PLA2G4A: variants seen among roughly 807,000 people sequenced by gnomAD.
PLA2G4A encodes cytosolic phospholipase A2.
In PLA2G4A, 40 loss-of-function variants were observed where a neutral mutation model predicts 81.9. That is an observed-to-expected ratio of 0.49 (90% CI 0.38 to 0.64). PLA2G4A has a LOEUF of 0.64. PLA2G4A is among the 30% of genes least tolerant of loss of function. PLA2G4A has a pLI of 0.00. For synonymous variants in PLA2G4A, 302 were observed against 296.9 expected (o/e 1.02, Z -0.18); for missense variants, 715 against 905.1 (o/e 0.79, Z 2.69).
chr1:186,886,247 T>C (rs1366100854), intron 3 of PLA2G4A, among the ~76,000 whole-genome samples: 2 of 152,184 alleles, frequency 1.3e-5, no homozygotes, highest in African/African-American at 4.8e-5. Context: ...ATTAATGGAC[T>C]AATAGACAAA....
At chr1:186,983,604 A>C (rs1219478749) in intron 17 of PLA2G4A, among the ~76,000 whole-genome samples, 1 of 152,224 alleles carries the variant, frequency 6.6e-6, no homozygotes, top group Non-Finnish European at 1.5e-5. Context: ...TGGGTTTCTC[A>C]TAGCATCAGG....
At chr1:186,928,102 T>A (rs1379307608) in intron 7 of PLA2G4A, among the ~76,000 whole-genome samples, 1 of 151,982 alleles carries the variant, frequency 6.6e-6, no homozygotes, top group Non-Finnish European at 1.5e-5. Context: ...GAGGAAGTGG[T>A]GGGATATAAA....
At chr1:186,958,960 A>G (rs1304766804) in intron 14 of PLA2G4A, among the ~76,000 whole-genome samples, 1 of 152,172 alleles carries the variant, frequency 6.6e-6, no homozygotes, top group Admixed American at 6.5e-5. Flanking sequence ...CTAAATAATT[A>G]TTTGTTGATT....
intron 15 of PLA2G4A, among the ~76,000 whole-genome samples, chr1:186,966,709 A>G (rs1253180637): frequency 6.6e-6 from 1 of 152,178 alleles, no homozygotes; most frequent in East Asian, 1.9e-4. Context: ...GGAATACTCA[A>G]AACATTCTTT....
intron 9 of PLA2G4A, 57 bp downstream of exon 9, chr1:186,939,287 A>G (rs1314794602): frequency 7.0e-6 from 5 of 709,736 alleles, no homozygotes; most frequent in Non-Finnish European, 1.2e-5. Context: ...ACATATTATA[A>G]TATTATATTT....
intron 7 of PLA2G4A, among the ~76,000 whole-genome samples, chr1:186,924,604 A>G (rs7522714): frequency 0.96 from 145,818 of 152,018 alleles, 69,974 homozygotes; most frequent in East Asian, 1. Context: ...ACAGGGTTTC[A>G]CTTTGTCATC....
intron 2 of PLA2G4A, among the ~76,000 whole-genome samples, chr1:186,856,735 A>G (rs1281242555): frequency 1.3e-5 from 2 of 152,038 alleles, no homozygotes; most frequent in African/African-American, 2.4e-5. Context: ...TCTGGAGTAC[A>G]TAACAGGAAG....
At chr1:186,942,935 T>C (rs376421063) in intron 10 of PLA2G4A, among the ~76,000 whole-genome samples, 32 of 152,278 alleles carry the variant, frequency 2.1e-4, no homozygotes, top group African/African-American at 7.0e-4. Context: ...ACATTAATTA[T>C]ATGAATCTTG....
At chr1:186,921,324 G>A (rs1571403380) in intron 7 of PLA2G4A, among the ~76,000 whole-genome samples, 1 of 152,304 alleles carries the variant, frequency 6.6e-6, no homozygotes, top group South Asian at 2.1e-4. Flanking sequence ...TGAGCAGCTA[G>A]TGGCAATCAG....
chr1:186,888,772 C>T (rs1654027282), intron 3 of PLA2G4A, among the ~76,000 whole-genome samples: 1 of 152,010 alleles, frequency 6.6e-6, no homozygotes, highest in South Asian at 2.1e-4. Flanking sequence ...TGCATGCCTC[C>T]CCTTCCCACA....
At chr1:186,982,302 T>C (rs1657748304) in intron 17 of PLA2G4A, among the ~76,000 whole-genome samples, 1 of 152,258 alleles carries the variant, frequency 6.6e-6, no homozygotes, top group Non-Finnish European at 1.5e-5. Flanking sequence ...ATATCATCTT[T>C]AAATCTCTTA....
chr1:186,934,549 T>A (rs1655873751), intron 8 of PLA2G4A, among the ~76,000 whole-genome samples: 1 of 150,794 alleles, frequency 6.6e-6, no homozygotes, highest in Non-Finnish European at 1.5e-5. Flanking sequence ...ATTTTAAATG[T>A]GCACACACAC....
Position 186,906,966 on chromosome 1 carries a change from T to A in PLA2G4A, c.380T>A (p.Val127Asp), listed in dbSNP as rs778915671. The change falls in exon 6 of 18, where the codon GTC (valine) becomes GAC (aspartate). Residue 127 changes from valine (V) to aspartate (D), a missense_variant and splice_region_variant. By Grantham distance (152) the Val-to-Asp change is radical. Transcript: ENST00000367466. ...KKEVPFIFNQVTEMVLEMSLE... is the reference protein window; with the variant it reads ...KKEVPFIFNQDTEMVLEMSLE... ...TCTGATTAACATGTCTTTTTTTAGG[T>A]CACTGAAATGGTTCTAGAAATGTCT... 1 of 1,489,626 alleles carries A rather than the reference T, an allele frequency of 6.7e-7. No homozygotes were observed. The highest frequency in any genetic ancestry group is 9.4e-7 in the Non-Finnish European group (1 of 1,067,566). 92.3% of individuals were successfully genotyped at this position (1,489,626 alleles called of 1,614,324 possible).
At chr1:186,867,172 TG>T (rs1190816414) in intron 2 of PLA2G4A, among the ~76,000 whole-genome samples, 3 of 152,186 alleles carry the variant, frequency 2.0e-5, no homozygotes, top group Non-Finnish European at 4.4e-5. Flanking sequence ...CCTTCAAATT[TG>T]TGTTTACTAT....
In PLA2G4A at chr1:186,932,811, G is replaced by C. The variant is rs759640467; in HGVS notation, c.607G>C (p.Val203Leu). ...LGSGGGFRAM[V>L]GFSGVMKALY... ...TTCAGGTGGGGGTTTCCGAGCCATG[G>C]TGGGATTCTCTGGTGTGATGAAGGC... The change falls in exon 8 of 18, where the codon GTG (valine) becomes CTG (leucine). Residue 203 changes from valine to leucine, a missense_variant. By Grantham distance (32) the Val-to-Leu change is conservative. Transcript: ENST00000367466. 1 of 1,613,450 alleles carries C rather than the reference G, an allele frequency of 6.2e-7. No individual in the cohort carries two copies. The highest frequency in any genetic ancestry group is 8.5e-7 in the Non-Finnish European group (1 of 1,179,414).
chr1:186,929,638 A>G (rs1016236752), intron 7 of PLA2G4A, among the ~76,000 whole-genome samples: 1 of 152,182 alleles, frequency 6.6e-6, no homozygotes, highest in Non-Finnish European at 1.5e-5. Context: ...GTTTGGAGAG[A>G]CAAAGTAGAG....
chr1:186,837,736 C>CAAAAAAAAAAAAAAA (rs750655561), intron 1 of PLA2G4A, among the ~76,000 whole-genome samples: 9 of 55,194 alleles, frequency 1.6e-4, no homozygotes, highest in Non-Finnish European at 2.3e-4. Context: ...GACTCCGTCT[C>CAAAAAAAAAAAAAAA]AAAAAAAAAA....
intron 3 of PLA2G4A, chr1:186,870,856 T>G (rs2102060002): frequency 1.6e-6 from 1 of 620,240 alleles, no homozygotes; most frequent in Non-Finnish European, 2.8e-6. Flanking sequence ...TGTGGTTATG[T>G]TTGTCTGGAT....
intron 7 of PLA2G4A, among the ~76,000 whole-genome samples, chr1:186,927,825 A>G (rs1371752378): frequency 6.6e-6 from 1 of 152,182 alleles, no homozygotes; most frequent in Non-Finnish European, 1.5e-5. Flanking sequence ...AGATAAGAGA[A>G]ATCAACCTTG....
Sources: allele counts gnomAD v4.1 joint callset (sites outside exome capture counted in the v4.1 genomes callset), GRCh38; gene constraint gnomAD v4.1.1; transcripts MANE v1.5; gene names NCBI Gene and HGNC (gene_info 2026-07-23, HGNC 2026-07-21).